SEPTIN9: variants seen among roughly 807,000 people sequenced by gnomAD.
SEPTIN9 encodes septin 9.
SEPTIN9 carries 13 observed loss-of-function variants against 56.6 expected under a neutral mutation model. The ratio of observed to expected loss-of-function variants is 0.23; its 90% confidence interval spans 0.15 to 0.37. SEPTIN9 has a LOEUF of 0.37. Ranked by LOEUF, SEPTIN9 falls within the 10% of genes least tolerant of loss-of-function variation. The probability of loss-of-function intolerance (pLI) is 1.00; values close to 1 mark genes in which losing one functional copy is unlikely to be tolerated. For missense variants in SEPTIN9, 650 were observed against 823.1 expected (o/e 0.79, Z 2.57); for synonymous variants, 332 against 334.1 (o/e 0.99, Z 0.07).
intron 2 of SEPTIN9, among the ~76,000 whole-genome samples, chr17:77,339,808 C>A (rs1186383303): frequency 9.5e-6 from 1 of 105,026 alleles, no homozygotes; most frequent in East Asian, 1.4e-3. Flanking sequence ...CTGCACCGGG[C>A]CCTATTTGTT....
intron 2 of SEPTIN9, chr17:77,375,821 C>T: frequency 6.5e-6 from 1 of 152,984 alleles, no homozygotes; most frequent in Non-Finnish European, 1.5e-5. Context: ...TGTGTGTGTG[C>T]ATGAGTGCGC....
chr17:77,431,568 GGTTCAC>G (rs1365559824), intron 3 of SEPTIN9, among the ~76,000 whole-genome samples: 13 of 152,086 alleles, frequency 8.5e-5, no homozygotes, highest in Non-Finnish European at 1.6e-4. Context: ...CAGGCACGGT[GGTTCAC>G]GTCTATAATC....
At chr17:77,368,263 G>A (rs186981862) in intron 2 of SEPTIN9, among the ~76,000 whole-genome samples, 91 of 152,154 alleles carry the variant, frequency 6.0e-4, no homozygotes, top group African/African-American at 2.1e-3. Flanking sequence ...TGTACTTAAT[G>A]TCACTAACAT....
At chr17:77,422,481 G>A (rs1159821385) in intron 3 of SEPTIN9, among the ~76,000 whole-genome samples, 1 of 152,152 alleles carries the variant, frequency 6.6e-6, no homozygotes, top group African/African-American at 2.4e-5. Flanking sequence ...GGCCTCCAGG[G>A]CCAGGTCTCC....
At chr17:77,328,257 C>G (rs924992876) in intron 2 of SEPTIN9, among the ~76,000 whole-genome samples, 14 of 152,264 alleles carry the variant, frequency 9.2e-5, no homozygotes, top group African/African-American at 3.4e-4. Context: ...CCTCCACCAA[C>G]AGGTGTCAGC....
Position 77,369,753 on chromosome 17 carries a change from C to T in SEPTIN9, c.77-32306C>T, listed in dbSNP as rs540783960. Among the ~76,000 whole-genome samples the T allele has an allele frequency of 1.8e-4, 28 of 152,350 alleles. No individual in the cohort carries two copies. Among genetic ancestry groups the T allele is most frequent in the South Asian group, 4.1e-4 (2 of 4,824 alleles). ...TGGGAGAAAGCCCCTCACCTTCCTT[C>T]GCTCTCCGAGCCTCTTTTGCTTCCC... On this transcript the variant is annotated intron_variant, in intron 2 of 11. Transcript: ENST00000427177. The surrounding 1 kb of genome is among the most constrained non-coding windows in gnomAD (Gnocchi z 4.9).
rs1379621142 is a variant in SEPTIN9 at position 77,369,326 on chromosome 17, G to A, written c.77-32733G>A. On this transcript the variant is annotated intron_variant, in intron 2 of 11. Coordinates refer to ENST00000427177, the MANE Select transcript of SEPTIN9 (RefSeq NM_001113491.2). This position sits in a 1 kb window ranked among gnomAD's most constrained non-coding sequence, Gnocchi z 4.9. ...ACAAATCGGGAAACTGAGTGTTGTT[G>A]CTTTTGCTGGCCCCAGGTGGCCGGT... Among the ~76,000 whole-genome samples, 1 of 152,234 alleles carries A rather than the reference G, an allele frequency of 6.6e-6. No homozygotes were observed. The highest frequency in any genetic ancestry group is 1.5e-5 in the Non-Finnish European group (1 of 68,044).
chr17:77,467,208 G>A (rs527457149), intron 3 of SEPTIN9, among the ~76,000 whole-genome samples: 71 of 152,348 alleles, frequency 4.7e-4, no homozygotes, highest in African/African-American at 1.6e-3. Flanking sequence ...CTAGCTCTCC[G>A]TGGCATGTCT....
intron 2 of SEPTIN9, among the ~76,000 whole-genome samples, chr17:77,391,261 T>G (rs544033259): frequency 6.6e-6 from 1 of 152,280 alleles, no homozygotes; most frequent in South Asian, 2.1e-4. Context: ...GCTCTAGGCC[T>G]CCTCCCGTTT....
rs1381395677 is a variant in SEPTIN9, at chr17:77,449,770, T to C, written c.722-32374T>C. The stretch of plus-strand genomic sequence containing the variant: ...AAAGACAGGCTCTTCTCACTCCCAG[T>C]GCTGGGGAAATTAGCTTCTTGGAGG... On this transcript the variant is annotated intron_variant, in intron 3 of 11. Coordinates refer to ENST00000427177, the MANE Select transcript of SEPTIN9 (RefSeq NM_001113491.2). The surrounding 1 kb of genome is among the most constrained non-coding windows in gnomAD (Gnocchi z 4.6). 6.6e-6 allele frequency among the ~76,000 whole-genome samples: 1 copy of C among 151,978 alleles called. No individual in the cohort carries two copies. The highest frequency in any genetic ancestry group is 1.5e-5 in the Non-Finnish European group (1 of 67,990).
rs1357337303 is a variant in SEPTIN9, at chr17:77,281,552, C to T, written c.17C>T (p.Ser6Leu). 4.3e-5 allele frequency: 66 copies of T among 1,545,164 alleles called. 1 individual carries two copies. The Admixed American group carries it at 1.3e-3, about 30-fold the overall frequency. Residue 6 changes from serine to leucine, a missense_variant and splice_region_variant, in exon 1 of 12, where the codon TCA becomes TTA. Ser to Leu is a moderately radical substitution (Grantham distance 145, BLOSUM62 -2). Coordinates refer to ENST00000427177, the MANE Select transcript of SEPTIN9 (RefSeq NM_001113491.2). The stretch of plus-strand genomic sequence containing the variant: ...GGAGGCACCATGAAGAAGTCTTACT[C>T]AGGTGGGCTTCGCGCCCGGGGTGGG... MKKSY[S>L]GGTRTSSGRL...
chr17:77,362,276 A>C (rs2034442867), intron 2 of SEPTIN9, among the ~76,000 whole-genome samples: 1 of 152,194 alleles, frequency 6.6e-6, no homozygotes, highest in Non-Finnish European at 1.5e-5. Flanking sequence ...TGGATGGGAC[A>C]AGCCACAGAG....
intron 2 of SEPTIN9, among the ~76,000 whole-genome samples, chr17:77,328,885 G>A (rs2033245233): frequency 1.3e-5 from 2 of 152,222 alleles, no homozygotes; most frequent in South Asian, 2.1e-4. Flanking sequence ...TGTGTGTGGC[G>A]AGGGGATTAA....
chr17:77,458,543 C>T (rs2038319182), intron 3 of SEPTIN9, among the ~76,000 whole-genome samples: 1 of 152,204 alleles, frequency 6.6e-6, no homozygotes. Context: ...GAGCTATGGT[C>T]TTTTGTCTGA....
intron 3 of SEPTIN9, among the ~76,000 whole-genome samples, chr17:77,472,290 C>G (rs917282354): frequency 6.6e-6 from 1 of 152,190 alleles, no homozygotes; most frequent in Non-Finnish European, 1.5e-5. Context: ...AAAGGCAAAA[C>G]TGCTTGAGAT....
chr17:77,464,480 C>CT (rs59300457), intron 3 of SEPTIN9, among the ~76,000 whole-genome samples: 14,257 of 152,164 alleles, frequency 0.094, 1,727 homozygotes, highest in African/African-American at 0.28. Context: ...GTGAGCTGAA[C>CT]TTTCTAAAAG....
rs372766191 is a variant in SEPTIN9, at chr17:77,453,470, T to TATTACA, written c.722-28674_722-28673insATTACA. Among the ~76,000 whole-genome samples the TATTACA allele has an allele frequency of 9.2e-3, 1,402 of 152,140 alleles. 21 individuals are homozygous for TATTACA. The highest frequency in any genetic ancestry group is 0.032 in the African/African-American group (1,333 of 41,490). On this transcript the variant is annotated intron_variant, in intron 3 of 11. Transcript: ENST00000427177. This position sits in a 1 kb window ranked among gnomAD's most constrained non-coding sequence, Gnocchi z 4.4. ...AAAATACTGGCTAATCCGGGCATGG[T>TATTACA]GGCGCGTGCCTGTAATGGCAGCTAC...
Position 77,411,564 on chromosome 17 carries a change from G to A in SEPTIN9, c.721+8861G>A, listed in dbSNP as rs1401719521. On this transcript the variant is annotated intron_variant, in intron 3 of 11. Transcript: ENST00000427177. ...TCACAGGTGCTTGCCACCACACCTG[G>A]CTAATTTTTGTATTTTTAGTAGAGA... Among the ~76,000 whole-genome samples, 6 of 151,776 alleles carry A rather than the reference G, an allele frequency of 4.0e-5. No homozygotes were observed. In the East Asian group the frequency reaches 1.2e-3, roughly 30 times the overall value.
At chr17:77,292,992 T>G (rs1158530134) in intron 1 of SEPTIN9, among the ~76,000 whole-genome samples, 7 of 77,156 alleles carry the variant, frequency 9.1e-5, no homozygotes, top group African/African-American at 1.9e-4. Flanking sequence ...GCTTGAGCAT[T>G]TATTTATTTA....
Sources: gnomAD v4.1 joint callset for allele counts (sites outside exome capture counted in the v4.1 genomes callset) on GRCh38, gnomAD v4.1.1 for gene constraint, Gnocchi (gnomAD v3.1) non-coding constraint, MANE v1.5 for transcripts, NCBI Gene and HGNC (gene_info 2026-07-23, HGNC 2026-07-21) for gene names.